Variants in CNNM3 observed in about 807,000 individuals in gnomAD.
CNNM3 encodes metal transporter CNNM3.
Under a neutral mutation model 57.1 loss-of-function variants are expected in CNNM3, and 47 were observed. The observed-to-expected ratio is 0.82, with a 90% CI of 0.65 to 1.05. CNNM3 has a LOEUF of 1.05. Among genes scored for constraint, CNNM3 ranks in the 50% least tolerant of loss-of-function variants. CNNM3 has a pLI of 0.00. For missense variants in CNNM3, 957 were observed against 973.7 expected, an observed-to-expected ratio of 0.98 and a Z score of 0.23; for synonymous variants, 507 against 478.2, an observed-to-expected ratio of 1.06 and a Z score of -0.79.
At chr2:96,824,674 G>C (rs2079467251) in intron 1 of CNNM3, 1 of 214,244 alleles carries the variant, frequency 4.7e-6, no homozygotes, top group Non-Finnish European at 9.5e-6. Context: ...CAGTGCCCTT[G>C]TTAGCCTGCA....
rs926738977 is a variant in CNNM3, at chr2:96,832,791, T to G, written c.*175T>G. On this transcript the variant is annotated 3_prime_UTR_variant, in exon 8 of 8. Coordinates refer to ENST00000305510, the MANE Select transcript of CNNM3 (RefSeq NM_017623.5). ...GAACTAGACATCAATGCCTGGATCC[T>G]TCAGCCGGCCCTGCCCTCCTTTAGG... 1.1e-5 allele frequency: 17 copies of G among 1,498,918 alleles called. No homozygotes were observed. The highest frequency in any genetic ancestry group is 1.4e-5 in the Non-Finnish European group (16 of 1,125,642). The allele number at this position is 1,498,918 out of a possible 1,614,324, so 92.9% of individuals were successfully genotyped here. A position where few individuals can be genotyped will look rare whatever the true frequency, so the allele number is the denominator to read the frequency against.
chr2:96,818,957 G>C (rs931917487), intron 1 of CNNM3, among the ~76,000 whole-genome samples: 5 of 152,242 alleles, frequency 3.3e-5, no homozygotes, highest in African/African-American at 1.2e-4. Context: ...TTGTGATAAT[G>C]ACCGCTACTC....
At chr2:96,835,469 C>CTTTTT (rs535208227), downstream of CNNM3, among the ~76,000 whole-genome samples, 2 of 137,590 alleles carry the variant, frequency 1.5e-5, no homozygotes, top group African/African-American at 5.5e-5. Flanking sequence ...AACAATCAAA[C>CTTTTT]TTTTTTTTTT....
At chr2:96,818,117 A>T (rs1211420988) in intron 1 of CNNM3, among the ~76,000 whole-genome samples, 2 of 152,158 alleles carry the variant, frequency 1.3e-5, no homozygotes, top group East Asian at 3.9e-4. Flanking sequence ...CCTTTCTCCC[A>T]GCTCTGTCGC....
At position 96,829,150 on chromosome 2, in the gene CNNM3, T is replaced by A; in HGVS notation, c.2059+16T>A. 3 of 1,613,262 alleles carry A rather than the reference T, an allele frequency of 1.9e-6. No homozygotes were observed. The highest frequency in any genetic ancestry group is 2.5e-6 in the Non-Finnish European group (3 of 1,179,652). On this transcript the variant is annotated intron_variant, in intron 7 of 7. Coordinates refer to ENST00000305510, the MANE Select transcript of CNNM3 (RefSeq NM_017623.5). Reference sequence around the variant, plus strand: ...ACAGCGGCAGGTGAGTGCCAAGTGGTACATCGTGCATGGTGTCTGGACCTG... The same window carrying A: ...ACAGCGGCAGGTGAGTGCCAAGTGGAACATCGTGCATGGTGTCTGGACCTG...
chr2:96,824,995 G>C, intron 1 of CNNM3, 63 bp from the exon 2 acceptor site: 1 of 1,597,570 alleles, frequency 6.3e-7, no homozygotes, highest in Non-Finnish European at 8.6e-7. Flanking sequence ...GCCTATACCA[G>C]GGGAGATGAA....
At chr2:96,822,940 CTG>C (rs35060938) in intron 1 of CNNM3, among the ~76,000 whole-genome samples, 19 of 152,208 alleles carry the variant, frequency 1.2e-4, no homozygotes, top group African/African-American at 4.1e-4. Context: ...GCAAGACACA[CTG>C]TGAGCTGCTC....
At chr2:96,836,123 A>C (rs1574123688), downstream of CNNM3, among the ~76,000 whole-genome samples, 1 of 116,904 alleles carries the variant, frequency 8.6e-6, no homozygotes, top group African/African-American at 3.6e-5. Flanking sequence ...TCACTTTGTC[A>C]CCCATGGTGG....
chr2:96,836,314 C>G (rs906334944), downstream of CNNM3, among the ~76,000 whole-genome samples: 1 of 150,096 alleles, frequency 6.7e-6, no homozygotes, highest in African/African-American at 2.5e-5. Context: ...GTGGTCTCGG[C>G]TCACTGCAAC....
At chr2:96,829,363 T>C in intron 7 of CNNM3, 1 of 395,650 alleles carries the variant, frequency 2.5e-6, no homozygotes, top group Non-Finnish European at 3.4e-6. Context: ...TACAATGGTG[T>C]GATCTCGGCT....
chr2:96,826,380 T>C (rs142369078), intron 2 of CNNM3, among the ~76,000 whole-genome samples: 5 of 152,042 alleles, frequency 3.3e-5, no homozygotes, highest in African/African-American at 1.2e-4. Context: ...ACCCGTCTAA[T>C]TATTTTATTT....
chr2:96,821,528 G>A (rs2079406127), intron 1 of CNNM3, among the ~76,000 whole-genome samples: 1 of 152,124 alleles, frequency 6.6e-6, no homozygotes, highest in African/African-American at 2.4e-5. Flanking sequence ...CTCAATCAGT[G>A]CCAACTTGAG....
intron 2 of CNNM3, among the ~76,000 whole-genome samples, chr2:96,825,667 C>G (rs2079489511): frequency 6.6e-6 from 1 of 151,528 alleles, no homozygotes; most frequent in African/African-American, 2.5e-5. Context: ...CTTTGGGAGG[C>G]CCAGGCAGGC....
At position 96,817,154 on chromosome 2, in the gene CNNM3, C is replaced by G; in HGVS notation, c.877C>G (p.Leu293Val). 7.0e-7 allele frequency: 1 copy of G among 1,422,580 alleles called. No individual in the cohort carries two copies. The highest frequency in any genetic ancestry group is 1.5e-5 in the African/African-American group (1 of 67,552). The allele number at this position is 1,422,580 out of a possible 1,614,324, so 88.1% of individuals were successfully genotyped here. Residue 293 changes from leucine (L) to valine (V), a missense_variant, in exon 1 of 8, where the codon CTG becomes GTG. Physicochemically the swap from Leu to Val is conservative, Grantham distance 32. Transcript: ENST00000305510. Reference sequence around the variant, plus strand: ...GCGGCTGCGGGAGCGGGTGCTGGAGCTGGCGCGCGGCGGCGGCGACCCCTA... The same window carrying G: ...GCGGCTGCGGGAGCGGGTGCTGGAGGTGGCGCGCGGCGGCGGCGACCCCTA... ...PGRLRERVLE[L>V]ARGGGDPYSD...
intron 1 of CNNM3, among the ~76,000 whole-genome samples, chr2:96,822,681 GAA>G (rs775297051): frequency 2.6e-5 from 4 of 152,176 alleles, no homozygotes; most frequent in Non-Finnish European, 5.9e-5. Context: ...CCATGATGCG[GAA>G]AAGAGTCTGA....
In CNNM3 at chr2:96,829,263, C is replaced by G. The variant is rs150585590; in HGVS notation, c.2059+129C>G. ...TCTCTCTTTTCTCCCCATCCTTTTC[C>G]CTTCTTTATATATATATATCTATAT... On this transcript the variant is annotated intron_variant, in intron 7 of 7. Transcript: ENST00000305510. 3.4e-3 allele frequency: 4,308 copies of G among 1,275,238 alleles called. 118 individuals are homozygous for G. The African/African-American group carries it at 0.058, about 17-fold the overall frequency. The allele number at this position is 1,275,238 out of a possible 1,614,324, so 79.0% of individuals were successfully genotyped here. A position where few individuals can be genotyped will look rare whatever the true frequency, so the allele number is the denominator to read the frequency against.
chr2:96,831,348 C>T (rs550351082), intron 7 of CNNM3, among the ~76,000 whole-genome samples: 1 of 152,288 alleles, frequency 6.6e-6, no homozygotes, highest in South Asian at 2.1e-4. Context: ...TTTGGTGGGG[C>T]ACTGCTTAAA....
downstream of CNNM3, chr2:96,837,039 T>A (rs2079699095): frequency 6.6e-6 from 1 of 152,216 alleles, no homozygotes; most frequent in Non-Finnish European, 1.5e-5. Flanking sequence ...ATTTGTGTGG[T>A]CCTGTTCCCG....
chr2:96,832,787 A>T lies in CNNM3; in HGVS notation c.*171A>T. ...CTCAGAACTAGACATCAATGCCTGG[A>T]TCCTTCAGCCGGCCCTGCCCTCCTT... On this transcript the variant is annotated 3_prime_UTR_variant, in exon 8 of 8. Coordinates refer to ENST00000305510, the MANE Select transcript of CNNM3 (RefSeq NM_017623.5). 1 of 1,500,848 alleles carries T rather than the reference A, an allele frequency of 6.7e-7. No homozygotes were observed. The highest frequency in any genetic ancestry group is 8.9e-7 in the Non-Finnish European group (1 of 1,126,974). The allele number at this position is 1,500,848 out of a possible 1,614,324, so 93.0% of individuals were successfully genotyped here.
Sources: gnomAD v4.1 joint callset for allele counts (sites outside exome capture counted in the v4.1 genomes callset) on GRCh38, gnomAD v4.1.1 for gene constraint, MANE v1.5 for transcripts, NCBI Gene and HGNC (gene_info 2026-07-23, HGNC 2026-07-21) for gene names.